The following TGFBI variants were observed in gnomAD, a reference collection of about 807,000 sequenced individuals.
The protein encoded by TGFBI is transforming growth factor-beta-induced protein ig-h3.
In TGFBI, 50 loss-of-function variants were observed where a neutral mutation model predicts 73.7. That is an observed-to-expected ratio of 0.68 (90% CI 0.54 to 0.86). The LOEUF (loss-of-function observed/expected upper bound fraction) is 0.86. Among genes scored for constraint, TGFBI ranks in the 40% least tolerant of loss-of-function variants. The pLI is 0.00. For missense variants in TGFBI, 839 were observed against 877.0 expected, an observed-to-expected ratio of 0.96 and a Z score of 0.55; for synonymous variants, 362 against 360.5, an observed-to-expected ratio of 1.00 and a Z score of -0.05.
chr5:136,033,901 A>T lies in TGFBI; in HGVS notation c.233+40A>T, dbSNP rs983770294. On this transcript the variant is annotated intron_variant, in intron 2 of 16. Coordinates refer to ENST00000442011, the MANE Select transcript of TGFBI (RefSeq NM_000358.3). ...CCAGCCAGGAGACCAAGCTGTATGC[A>T]CGCTGGCTGCAGTTCCCCAGGGCCT... 7 of 1,548,300 alleles carry T rather than the reference A, an allele frequency of 4.5e-6. No homozygotes were observed. In the African/African-American group the frequency reaches 5.4e-5, roughly 12 times the overall value.
intron 2 of TGFBI, among the ~76,000 whole-genome samples, chr5:136,041,436 C>T (rs1751337728): frequency 1.3e-5 from 2 of 152,206 alleles, no homozygotes; most frequent in South Asian, 4.1e-4. Flanking sequence ...TGAGTGCTGA[C>T]AAGGGCTAGC....
chr5:136,053,905 G>A (rs753962434), intron 8 of TGFBI, 38 bp from the exon 9 acceptor site: 22 of 1,610,196 alleles, frequency 1.4e-5, no homozygotes, highest in Admixed American at 6.7e-5. Flanking sequence ...TGAAAACAGC[G>A]CTTTTAACTT....
At position 136,061,556 on chromosome 5, in the gene TGFBI, A is replaced by C. The variant is rs777996516; in HGVS notation, c.1963A>C (p.Lys655Gln). The stretch of plus-strand genomic sequence containing the variant: ...TGCAGACTCTGCGCTTGAGATCTTC[A>C]AACAAGCATCAGCGTTTTCCAGGGT... ...ELADSALEIFKQASAFSRASQ... is the reference protein window; with the variant it reads ...ELADSALEIFQQASAFSRASQ... The change falls in exon 15 of 17, where the codon AAA (lysine) becomes CAA (glutamine). Residue 655 changes from lysine to glutamine, a missense_variant. Lys to Gln is a moderately conservative substitution (Grantham distance 53, BLOSUM62 1). Transcript: ENST00000442011. The C allele has an allele frequency of 1.2e-5, 19 of 1,613,408 alleles. No individual in the cohort carries two copies. The highest frequency in any genetic ancestry group is 1.6e-5 in the Non-Finnish European group (19 of 1,179,682).
chr5:136,055,462 T>A (rs1751612627), intron 10 of TGFBI: 1 of 413,044 alleles, frequency 2.4e-6, no homozygotes, highest in Non-Finnish European at 4.2e-6. Flanking sequence ...TGTGTGACTT[T>A]ATTGGGGCCT....
chr5:136,061,550 A>T lies in TGFBI; in HGVS notation c.1957A>T (p.Ile653Phe). Residue 653 changes from isoleucine (I) to phenylalanine (F), a missense_variant, in exon 15 of 17, where the codon ATC becomes TTC. Coordinates refer to ENST00000442011, the MANE Select transcript of TGFBI (RefSeq NM_000358.3). ...GDELADSALE[I>F]FKQASAFSRA... ...TGAACTTGCAGACTCTGCGCTTGAG[A>T]TCTTCAAACAAGCATCAGCGTTTTC... 1.2e-6 allele frequency: 2 copies of T among 1,613,140 alleles called. No individual in the cohort carries two copies. The highest frequency in any genetic ancestry group is 2.2e-5 in the South Asian group (2 of 90,724).
intron 2 of TGFBI, among the ~76,000 whole-genome samples, chr5:136,038,910 G>A (rs553249827): frequency 6.6e-6 from 1 of 152,246 alleles, no homozygotes; most frequent in South Asian, 2.1e-4. Context: ...AACCCCATAA[G>A]GCCGATTTCT....
intron 14 of TGFBI, 114 bp downstream of exon 14, chr5:136,061,050 G>A (rs1751738322): frequency 2.6e-6 from 2 of 776,838 alleles, no homozygotes; most frequent in Non-Finnish European, 4.0e-6. Context: ...AATTGTGATA[G>A]TTAAACTGTG....
intron 2 of TGFBI, among the ~76,000 whole-genome samples, chr5:136,039,941 A>T (rs1360932895): frequency 6.6e-6 from 1 of 152,214 alleles, no homozygotes; most frequent in Non-Finnish European, 1.5e-5. Context: ...TTGCTCTGCC[A>T]TTCCTCTCGG....
chr5:136,029,248 C>G, intron 1 of TGFBI, 59 bp downstream of exon 1: 1 of 1,412,420 alleles, frequency 7.1e-7, no homozygotes, highest in East Asian at 2.9e-5. Context: ...GCTCGGAGCG[C>G]AAGCCGCTGG....
chr5:136,061,767 A>G (rs368574833), intron 15 of TGFBI, 188 bp downstream of exon 15: 1 of 659,870 alleles, frequency 1.5e-6, no homozygotes. Context: ...AACCAAGGCA[A>G]CTCCCTGGCT....
intron 1 of TGFBI, among the ~76,000 whole-genome samples, chr5:136,033,129 C>G (rs1002977588): frequency 1.2e-4 from 19 of 152,102 alleles, no homozygotes; most frequent in African/African-American, 4.6e-4. Context: ...AGACACCCCC[C>G]ACCTCCCCGC....
intron 2 of TGFBI, among the ~76,000 whole-genome samples, chr5:136,039,064 T>C (rs558796466): frequency 1.3e-5 from 2 of 152,336 alleles, no homozygotes; most frequent in South Asian, 2.1e-4. Flanking sequence ...TCAATGTACT[T>C]TTATCAATGG....
rs145873615 is a variant in TGFBI, at chr5:136,054,705, C to A, written c.1265-11C>A. 1.3e-4 allele frequency: 215 copies of A among 1,613,982 alleles called. 3 individuals are homozygous for A. In the South Asian group the frequency reaches 1.5e-3, roughly 11 times the overall value. On this transcript the variant is annotated splice_polypyrimidine_tract_variant and intron_variant, in intron 9 of 16. Coordinates refer to ENST00000442011, the MANE Select transcript of TGFBI (RefSeq NM_000358.3). ...CATCTCTCTGGACCTAACCATCACCCTTTCTTGTAGATGGAACCCCTCCAA... is the reference window on the plus strand; with the variant it reads ...CATCTCTCTGGACCTAACCATCACCATTTCTTGTAGATGGAACCCCTCCAA...
intron 1 of TGFBI, among the ~76,000 whole-genome samples, chr5:136,031,262 G>A (rs1016624292): frequency 1.3e-5 from 2 of 152,264 alleles, no homozygotes; most frequent in Non-Finnish European, 2.9e-5. Flanking sequence ...GGGCTGCCTG[G>A]CCTGGCACAC....
chr5:136,032,309 T>A (rs187498723), intron 1 of TGFBI, among the ~76,000 whole-genome samples: 25 of 152,228 alleles, frequency 1.6e-4, no homozygotes, highest in Admixed American at 9.2e-4. Flanking sequence ...CTGGGCCCAC[T>A]CACTTTCACC....
chr5:136,055,112 C>T, intron 10 of TGFBI: 1 of 462,182 alleles, frequency 2.2e-6, no homozygotes, highest in Non-Finnish European at 3.8e-6. Flanking sequence ...ATAAGTCCTT[C>T]TTGAATTCAG....
chr5:136,054,496 C>G (rs977476412), intron 9 of TGFBI, among the ~76,000 whole-genome samples: 1 of 152,200 alleles, frequency 6.6e-6, no homozygotes, highest in African/African-American at 2.4e-5. Context: ...CTGCCCTTCC[C>G]TCTTAGGGCA....
chr5:136,042,180 T>C (rs557760579), intron 2 of TGFBI, among the ~76,000 whole-genome samples: 3 of 152,208 alleles, frequency 2.0e-5, no homozygotes, highest in Non-Finnish European at 4.4e-5. Context: ...ATCCCATGCA[T>C]ATGCATCCCT....
At chr5:136,033,126 C>T (rs1474991183) in intron 1 of TGFBI, among the ~76,000 whole-genome samples, 1 of 152,130 alleles carries the variant, frequency 6.6e-6, no homozygotes, top group Non-Finnish European at 1.5e-5. Context: ...AAGAGACACC[C>T]CCCACCTCCC....
Sources: gnomAD v4.1 joint callset for allele counts (sites outside exome capture counted in the v4.1 genomes callset) on GRCh38, gnomAD v4.1.1 for gene constraint, MANE v1.5 for transcripts, NCBI Gene and HGNC (gene_info 2026-07-23, HGNC 2026-07-21) for gene names.